Variants in BRCC3 observed in about 807,000 individuals in gnomAD.
The protein encoded by BRCC3 is lys-63-specific deubiquitinase BRCC36.
Under a neutral mutation model 28.0 loss-of-function variants are expected in BRCC3, and 15 were observed. The ratio of observed to expected loss-of-function variants is 0.54; its 90% CI spans 0.36 to 0.82. The LOEUF (loss-of-function observed/expected upper bound fraction) is 0.82, where lower values mean the gene tolerates loss of function less well. Ranked by LOEUF, BRCC3 falls within the 40% of genes least tolerant of loss-of-function variation. The pLI is 0.01. For missense variants in BRCC3, 109 were observed against 225.9 expected, an observed-to-expected ratio of 0.48 and a Z score of 3.32; for synonymous variants, 66 against 80.3, an observed-to-expected ratio of 0.82 and a Z score of 0.95.
chrX:155,075,096 A>G (rs782687934), intron 3 of BRCC3, among the ~76,000 whole-genome samples: 6 of 112,726 alleles, frequency 5.3e-5, no homozygotes, highest in Non-Finnish European at 1.1e-4. Flanking sequence ...TGTAGTGAAT[A>G]TTAAGAAATG....
rs186802592 is a variant in BRCC3 at position 155,076,367 on chromosome X, C to T, written c.196-803C>T. Among the ~76,000 whole-genome samples the T allele has an allele frequency of 5.2e-3, 567 of 109,221 alleles. 4 individuals are homozygous for T. The highest frequency in any genetic ancestry group is 9.2e-3 in the Non-Finnish European group (484 of 52,544). 94.8% of individuals were successfully genotyped at this position (109,221 alleles called of 115,157 possible). A position where few individuals can be genotyped will look rare whatever the true frequency, so the allele number is the denominator to read the frequency against. Reference sequence around the variant, plus strand: ...TTGCACTACTGCACTCCAGCCTGGGCGACAGACTGAGACTGTGTCAAAAAC... The same window carrying T: ...TTGCACTACTGCACTCCAGCCTGGGTGACAGACTGAGACTGTGTCAAAAAC... On this transcript the variant is annotated intron_variant, in intron 3 of 10. Coordinates refer to ENST00000330045, the MANE Select transcript of BRCC3 (RefSeq NM_001018055.3).
At chrX:155,084,520 A>G (rs782562767) in intron 5 of BRCC3, among the ~76,000 whole-genome samples, 31 of 111,009 alleles carry the variant, frequency 2.8e-4, no homozygotes, top group African/African-American at 9.2e-4. Context: ...CCGCCACCAC[A>G]CCCGGCTAAT....
Position 155,111,018 on chromosome X carries a change from G to T in BRCC3, c.549-5039G>T, listed in dbSNP as rs782134050. ...TTAAGAACCACAGAAATCTCATCTTGTATGGGAGAAGATAATCAACAGATA... is the reference window on the plus strand; with the variant it reads ...TTAAGAACCACAGAAATCTCATCTTTTATGGGAGAAGATAATCAACAGATA... On this transcript the variant is annotated intron_variant, in intron 7 of 10. Transcript: ENST00000330045. 5.4e-5 allele frequency among the ~76,000 whole-genome samples: 6 copies of T among 111,422 alleles called. No homozygotes were observed. In the South Asian group the frequency reaches 2.2e-3, roughly 41 times the overall value.
At chrX:155,100,868 C>A (rs374532294) in intron 7 of BRCC3, among the ~76,000 whole-genome samples, 3 of 111,074 alleles carry the variant, frequency 2.7e-5, no homozygotes, top group African/African-American at 9.8e-5. Flanking sequence ...TTTTTCTAGT[C>A]ATTATTCCTT....
At chrX:155,075,371 CACA>C (rs2074030660) in intron 3 of BRCC3, among the ~76,000 whole-genome samples, 2 of 112,175 alleles carry the variant, frequency 1.8e-5, no homozygotes, top group African/African-American at 6.5e-5. Flanking sequence ...TCCCTTTCTC[CACA>C]CCTTTTTTGT....
rs183861008 is a variant in BRCC3 at position 155,121,017 on chromosome X, C to T, written c.*19-206C>T. On this transcript the variant is annotated intron_variant, in intron 10 of 10. Transcript: ENST00000330045. ...CTGTTTTTGGTTTTTGTTTCTCCCT[C>T]TCATTTTTCACATTTCAAAGTGTTG... Among the ~76,000 whole-genome samples, 3 of 111,685 alleles carry T rather than the reference C, an allele frequency of 2.7e-5. No homozygotes were observed. The East Asian group carries it at 8.4e-4, about 31-fold the overall frequency.
intron 5 of BRCC3, among the ~76,000 whole-genome samples, chrX:155,085,107 C>T (rs1322566585): frequency 8.9e-6 from 1 of 112,523 alleles, no homozygotes; most frequent in Non-Finnish European, 1.9e-5. Flanking sequence ...TTCACAGGAA[C>T]ATTTTCACCA....
intron 7 of BRCC3, among the ~76,000 whole-genome samples, chrX:155,114,154 A>T (rs782346650): frequency 4.5e-5 from 5 of 111,884 alleles, no homozygotes; most frequent in African/African-American, 1.6e-4. Context: ...ATAGGTATTT[A>T]CATACCTATG....
In BRCC3 at chrX:155,105,792, G is replaced by A. The variant is rs371362400; in HGVS notation, c.549-10265G>A. ...TGGCTCACAGCAGCCTCTGCCTCCCGGGATCAAGCTGTTCTCCTGTCTCAG... is the reference window on the plus strand; with the variant it reads ...TGGCTCACAGCAGCCTCTGCCTCCCAGGATCAAGCTGTTCTCCTGTCTCAG... On this transcript the variant is annotated intron_variant, in intron 7 of 10. Transcript: ENST00000330045. 8.0e-5 allele frequency among the ~76,000 whole-genome samples: 9 copies of A among 111,813 alleles called. No individual in the cohort carries two copies. The East Asian group carries it at 1.4e-3, about 18-fold the overall frequency.
chrX:155,089,610 A>G (rs1253843848), intron 6 of BRCC3, among the ~76,000 whole-genome samples: 1 of 111,652 alleles, frequency 9.0e-6, no homozygotes, highest in Non-Finnish European at 1.9e-5. Context: ...GGAAACATCA[A>G]GGAAGTTGGT....
intron 7 of BRCC3, among the ~76,000 whole-genome samples, chrX:155,102,533 T>C (rs1424597108): frequency 8.9e-6 from 1 of 112,190 alleles, no homozygotes; most frequent in African/African-American, 3.2e-5. Context: ...AAAGGCAGTT[T>C]CACTTGTTTC....
At chrX:155,075,279 A>ATGTTCTGGTTTT (rs1557293348) in intron 3 of BRCC3, among the ~76,000 whole-genome samples, 14 of 50,272 alleles carry the variant, frequency 2.8e-4, no homozygotes, top group Non-Finnish European at 1.8e-4. Context: ...GATAATGCTA[A>ATGTTCTGGTTTT]GCCCACTCTT....
intron 7 of BRCC3, among the ~76,000 whole-genome samples, chrX:155,110,440 T>C (rs782635913): frequency 2.3e-4 from 26 of 111,658 alleles, no homozygotes; most frequent in Non-Finnish European, 4.5e-4. Context: ...TGTGCTTTTC[T>C]AGGAATTTAT....
chrX:155,080,194 A>C (rs1557294037), intron 5 of BRCC3, among the ~76,000 whole-genome samples: 1 of 112,063 alleles, frequency 8.9e-6, no homozygotes, highest in Non-Finnish European at 1.9e-5. Flanking sequence ...AAAGTTTGAC[A>C]CATATATTAC....
chrX:155,106,176 C>T (rs1449285515), intron 7 of BRCC3, among the ~76,000 whole-genome samples: 1 of 112,234 alleles, frequency 8.9e-6, no homozygotes, highest in Non-Finnish European at 1.9e-5. Flanking sequence ...ACTTTTGTGT[C>T]TTTCGGGAGT....
intron 3 of BRCC3, among the ~76,000 whole-genome samples, chrX:155,074,201 C>A (rs2074010867): frequency 8.9e-6 from 1 of 112,168 alleles, no homozygotes; most frequent in Admixed American, 9.4e-5. Context: ...TCCCTGTCAC[C>A]TGGTTCTTTT....
At chrX:155,105,361 T>C (rs1178076475) in intron 7 of BRCC3, among the ~76,000 whole-genome samples, 1 of 111,576 alleles carries the variant, frequency 9.0e-6, no homozygotes, top group African/African-American at 3.3e-5. Flanking sequence ...CGCATGCCTG[T>C]AATCCCAGCT....
intron 2 of BRCC3, 152 bp from the exon 3 acceptor site, chrX:155,073,225 G>A: frequency 3.5e-6 from 2 of 579,113 alleles, no homozygotes; most frequent in East Asian, 3.6e-5. Context: ...AACAGATAGA[G>A]TGCAGCTCTA....
intron 7 of BRCC3, among the ~76,000 whole-genome samples, chrX:155,100,051 T>C (rs782702363): frequency 8.9e-6 from 1 of 112,159 alleles, no homozygotes; most frequent in East Asian, 2.8e-4. Flanking sequence ...TAATATTAGA[T>C]TTACAGTAAA....
Sources: gnomAD v4.1 joint callset for allele counts (sites outside exome capture counted in the v4.1 genomes callset) on GRCh38, gnomAD v4.1.1 for gene constraint, MANE v1.5 for transcripts, NCBI Gene and HGNC (gene_info 2026-07-23, HGNC 2026-07-21) for gene names.